Variants in PDE4D observed in about 807,000 individuals in gnomAD.
The protein encoded by PDE4D is 3',5'-cyclic-AMP phosphodiesterase 4D.
Under a neutral mutation model 87.4 loss-of-function variants are expected in PDE4D, and 24 were observed. The ratio of observed to expected loss-of-function variants is 0.27; its 90% CI spans 0.20 to 0.39. The LOEUF (loss-of-function observed/expected upper bound fraction) is 0.39. Among genes scored for constraint, PDE4D ranks in the 10% least tolerant of loss-of-function variants. The pLI is 1.00. For missense variants in PDE4D, 714 were observed against 1,041.0 expected, an observed-to-expected ratio of 0.69 and a Z score of 4.32; for synonymous variants, 384 against 383.2, an observed-to-expected ratio of 1.00 and a Z score of -0.02.
intron 5 of PDE4D, among the ~76,000 whole-genome samples, chr5:59,148,172 A>C (rs1190163868): frequency 1.3e-5 from 2 of 152,198 alleles, no homozygotes; most frequent in African/African-American, 4.8e-5. Flanking sequence ...TGTATTTTCC[A>C]AAACTGCTGA....
intron 5 of PDE4D, among the ~76,000 whole-genome samples, chr5:59,108,669 C>G (rs1004272776): frequency 1.3e-5 from 2 of 151,934 alleles, no homozygotes; most frequent in Non-Finnish European, 2.9e-5. Flanking sequence ...CAAGGCGGGC[C>G]GATCACTTGA....
At chr5:60,244,947 A>G (rs1747581951) in intron 1 of PDE4D, among the ~76,000 whole-genome samples, 1 of 152,038 alleles carries the variant, frequency 6.6e-6, no homozygotes, top group Non-Finnish European at 1.5e-5. Context: ...GACAAATGAG[A>G]TCACATCAAG....
At chr5:60,511,913 C>A (rs1047435757) in intron 1 of PDE4D, among the ~76,000 whole-genome samples, 4 of 151,942 alleles carry the variant, frequency 2.6e-5, no homozygotes, top group African/African-American at 9.7e-5. Context: ...AATATTGTAT[C>A]CAAAATATTT....
chr5:59,507,648 G>A (rs1425859410), intron 1 of PDE4D, among the ~76,000 whole-genome samples: 2 of 112,998 alleles, frequency 1.8e-5, no homozygotes, highest in African/African-American at 3.7e-5. Context: ...CTGGGTGACA[G>A]AGCAATACCC....
chr5:59,993,508 C>T (rs1441595354), intron 2 of PDE4D, among the ~76,000 whole-genome samples: 1 of 152,036 alleles, frequency 6.6e-6, no homozygotes, highest in African/African-American at 2.4e-5. Context: ...GTGGGAAGAA[C>T]AGATTATAGA....
chr5:59,400,246 G>T (rs1413593528), intron 1 of PDE4D, among the ~76,000 whole-genome samples: 4 of 90,020 alleles, frequency 4.4e-5, no homozygotes, highest in African/African-American at 1.1e-4. Context: ...TATACCCAAA[G>T]GACTATAAAT....
intron 1 of PDE4D, among the ~76,000 whole-genome samples, chr5:59,356,132 T>C (rs55777000): frequency 0.051 from 7,781 of 152,252 alleles, 294 homozygotes; most frequent in South Asian, 0.16. Flanking sequence ...AAGAAGGAAA[T>C]CCAATATTTT....
chr5:59,366,698 A>T (rs1783119941), intron 1 of PDE4D, among the ~76,000 whole-genome samples: 1 of 152,206 alleles, frequency 6.6e-6, no homozygotes, highest in South Asian at 2.1e-4. Context: ...TTTTCTTTTG[A>T]TATATTTTAA....
chr5:59,302,026 C>T (rs1349218186), intron 1 of PDE4D, among the ~76,000 whole-genome samples: 1 of 151,920 alleles, frequency 6.6e-6, no homozygotes. Context: ...TCCAGGCATG[C>T]TCAAGAAGGG....
intron 1 of PDE4D, among the ~76,000 whole-genome samples, chr5:59,890,439 A>C (rs1561823023): frequency 6.6e-6 from 1 of 152,246 alleles, no homozygotes; most frequent in Non-Finnish European, 1.5e-5. Flanking sequence ...TGTTGTGATC[A>C]TTAACACCAG....
In PDE4D at chr5:59,724,177, T is replaced by A. The variant is rs116252772; in HGVS notation, c.455+168991A>T. Among the ~76,000 whole-genome samples the A allele has an allele frequency of 7.1e-3, 1,084 of 152,152 alleles. 16 individuals carry two copies. The highest frequency in any genetic ancestry group is 0.025 in the African/African-American group (1,038 of 41,520). ...TTAATCACTGGAAACCTGGAGAGAA[T>A]AGCCTGAGGTATTACAATAACCTAG... On this transcript the variant is annotated intron_variant, in intron 1 of 14. Coordinates refer to ENST00000340635, the MANE Select transcript of PDE4D (RefSeq NM_001104631.2).
At position 59,097,815 on chromosome 5, in the gene PDE4D, G is replaced by T. The variant is rs752675662; in HGVS notation, c.809-58844C>A. Reference sequence around the variant, plus strand: ...TCAAGGAAGGTCAATTACAAGCCTTGTGTCTCTCCTTTTAATGATATCCTT... The same window carrying T: ...TCAAGGAAGGTCAATTACAAGCCTTTTGTCTCTCCTTTTAATGATATCCTT... On this transcript the variant is annotated intron_variant, in intron 5 of 14. Transcript: ENST00000340635. 2.6e-5 allele frequency among the ~76,000 whole-genome samples: 4 copies of T among 152,126 alleles called. No homozygotes were observed. In the South Asian group the frequency reaches 6.2e-4, roughly 24 times the overall value.
chr5:60,273,592 C>T (rs1751041483), intron 1 of PDE4D, among the ~76,000 whole-genome samples: 1 of 152,198 alleles, frequency 6.6e-6, no homozygotes, highest in Non-Finnish European at 1.5e-5. Context: ...GACACTGTAG[C>T]AGCAATTAAG....
intron 2 of PDE4D, among the ~76,000 whole-genome samples, chr5:59,993,186 C>A (rs1210337657): frequency 6.6e-6 from 1 of 152,270 alleles, no homozygotes; most frequent in East Asian, 1.9e-4. Context: ...TATTCCAGAT[C>A]TTCCTAAACA....
chr5:60,140,919 A>G (rs1319977702), intron 2 of PDE4D, among the ~76,000 whole-genome samples: 1 of 152,168 alleles, frequency 6.6e-6, no homozygotes, highest in Non-Finnish European at 1.5e-5. Flanking sequence ...GCCTTTATTA[A>G]ACCTTTATTA....
intron 5 of PDE4D, among the ~76,000 whole-genome samples, chr5:59,140,716 T>C (rs372244379): frequency 6.6e-6 from 1 of 152,160 alleles, no homozygotes; most frequent in Admixed American, 6.5e-5. Flanking sequence ...TTCAAGTAGA[T>C]ACAAGTGATT....
chr5:60,025,208 T>C (rs1461303318), intron 2 of PDE4D, among the ~76,000 whole-genome samples: 2 of 152,176 alleles, frequency 1.3e-5, no homozygotes, highest in African/African-American at 2.4e-5. Context: ...TGTCAAGATA[T>C]TGCCAAAGAA....
chr5:59,127,312 T>C (rs1775544621), intron 5 of PDE4D, among the ~76,000 whole-genome samples: 1 of 152,226 alleles, frequency 6.6e-6, no homozygotes, highest in African/African-American at 2.4e-5. Context: ...CTCAGCAATT[T>C]GATTCTCAGA....
At chr5:59,975,632 G>T (rs958892246) in intron 3 of PDE4D, among the ~76,000 whole-genome samples, 2 of 152,004 alleles carry the variant, frequency 1.3e-5, no homozygotes, top group Non-Finnish European at 2.9e-5. Context: ...CCAACTGTTT[G>T]CCTTTTCAGT....
Sources: gnomAD v4.1 joint callset for allele counts (sites outside exome capture counted in the v4.1 genomes callset) on GRCh38, gnomAD v4.1.1 for gene constraint, MANE v1.5 for transcripts, NCBI Gene and HGNC (gene_info 2026-07-23, HGNC 2026-07-21) for gene names.